Variants in TTC38 observed in about 807,000 individuals in gnomAD.
TTC38 encodes the protein tetratricopeptide repeat domain 38.
Under a neutral mutation model 64.2 loss-of-function variants are expected in TTC38, and 64 were observed. The ratio of observed to expected loss-of-function variants is 1.00; its 90% CI spans 0.81 to 1.23. The LOEUF (loss-of-function observed/expected upper bound fraction) is 1.23. TTC38 is among the 50% of genes most tolerant of loss of function. The pLI, the probability that TTC38 is intolerant of heterozygous loss-of-function variation, is 0.00. For missense variants in TTC38, 573 were observed against 615.5 expected (o/e 0.93, Z 0.73); for synonymous variants, 254 against 249.3 (o/e 1.02, Z -0.18).
At chr22:46,277,990 C>T (rs1569018916) in intron 5 of TTC38, among the ~76,000 whole-genome samples, 1 of 152,222 alleles carries the variant, frequency 6.6e-6, no homozygotes, top group African/African-American at 2.4e-5. Context: ...GGAGCAGGGC[C>T]GCTCTCCGTG....
chr22:46,288,195 T>C (rs368750523), intron 10 of TTC38, among the ~76,000 whole-genome samples: 29 of 152,300 alleles, frequency 1.9e-4, no homozygotes, highest in African/African-American at 7.0e-4. Flanking sequence ...TTGACACTTT[T>C]TAAAATGTGC....
rs568957316 is a variant in TTC38 at position 46,271,757 on chromosome 22, C to T, written c.112-578C>T. 6.6e-5 allele frequency among the ~76,000 whole-genome samples: 10 copies of T among 152,258 alleles called. No homozygotes were observed. The highest frequency in any genetic ancestry group is 2.0e-4 in the Admixed American group (3 of 15,292). Reference sequence around the variant, plus strand: ...AACTCCTGCCCTCAAGTGATCCACCCGCCTCAGTCTTCCAAAGTACTGGGA... The same window carrying T: ...AACTCCTGCCCTCAAGTGATCCACCTGCCTCAGTCTTCCAAAGTACTGGGA... On this transcript the variant is annotated intron_variant, in intron 2 of 13. Coordinates refer to ENST00000381031, the MANE Select transcript of TTC38 (RefSeq NM_017931.4). This position sits in a 1 kb window ranked among gnomAD's most constrained non-coding sequence, Gnocchi z 5.5.
At position 46,281,546 on chromosome 22, in the gene TTC38, G is replaced by A; in HGVS notation, c.616-53G>A. 3 of 1,601,628 alleles carry A rather than the reference G, an allele frequency of 1.9e-6. No homozygotes were observed. The highest frequency in any genetic ancestry group is 2.2e-5 in the South Asian group (2 of 90,616). Reference sequence around the variant, plus strand: ...TAGAGACCTGCCGTCGCCTGCCCCGGCAGCCTGACTGATCTGCTTTATCTG... The same window carrying A: ...TAGAGACCTGCCGTCGCCTGCCCCGACAGCCTGACTGATCTGCTTTATCTG... On this transcript the variant is annotated intron_variant, in intron 6 of 13. Coordinates refer to ENST00000381031, the MANE Select transcript of TTC38 (RefSeq NM_017931.4). This position sits in a 1 kb window ranked among gnomAD's most constrained non-coding sequence, Gnocchi z 5.2.
In TTC38 at chr22:46,293,894, G is replaced by A. The variant is rs1001205811; in HGVS notation, c.*1010G>A. ...TGAAATTAGGGATTCATCAGGGCAG[G>A]AAGCAGGCAGGCCTCTCAGAAGGGA... is the stretch of plus-strand genomic sequence containing the variant. On this transcript the variant is annotated 3_prime_UTR_variant, in exon 14 of 14. Coordinates refer to ENST00000381031, the MANE Select transcript of TTC38 (RefSeq NM_017931.4). The surrounding 1 kb of genome is among the most constrained non-coding windows in gnomAD (Gnocchi z 6.6). The A allele has an allele frequency of 6.6e-6, 1 of 152,278 alleles. No homozygotes were observed. The highest frequency in any genetic ancestry group is 2.4e-5 in the African/African-American group (1 of 41,464). The allele number at this position is 152,278 out of a possible 1,614,324, so 9.4% of individuals were successfully genotyped here.
chr22:46,288,332 C>T lies in TTC38; in HGVS notation c.917-91C>T, dbSNP rs2077586016. ...CTCACCTGGGACAGGGTCATCAAGG[C>T]CTCCAAGGGAAGCGCCGTGAGGGAG... On this transcript the variant is annotated intron_variant, in intron 10 of 13. Coordinates refer to ENST00000381031, the MANE Select transcript of TTC38 (RefSeq NM_017931.4). The T allele has an allele frequency of 4.4e-6, 6 of 1,365,916 alleles. 1 individual carries two copies. The South Asian group carries it at 5.4e-5, about 12-fold the overall frequency. 84.6% of individuals were successfully genotyped at this position (1,365,916 alleles called of 1,614,324 possible). A position where few individuals can be genotyped will look rare whatever the true frequency, so the allele number is the denominator to read the frequency against.
At position 46,270,095 on chromosome 22, in the gene TTC38, A is replaced by G. The variant is rs1346508836; in HGVS notation, c.111+1504A>G. Among the ~76,000 whole-genome samples the G allele has an allele frequency of 6.6e-6, 1 of 152,054 alleles. No individual in the cohort carries two copies. The highest frequency in any genetic ancestry group is 2.4e-5 in the African/African-American group (1 of 41,382). ...GCGTGAGCCACTGTGCCCGGCCCCT[A>G]GTACTCAGTTTGTTACACACCACAT... On this transcript the variant is annotated intron_variant, in intron 2 of 13. Coordinates refer to ENST00000381031, the MANE Select transcript of TTC38 (RefSeq NM_017931.4). The surrounding 1 kb of genome is among the most constrained non-coding windows in gnomAD (Gnocchi z 4.7).
Position 46,287,277 on chromosome 22 carries a change from C to T in TTC38, c.916+123C>T, listed in dbSNP as rs983938284. 23 of 765,144 alleles carry T rather than the reference C, an allele frequency of 3.0e-5. No individual in the cohort carries two copies. The African/African-American group carries it at 3.5e-4, about 12-fold the overall frequency. The allele number at this position is 765,144 out of a possible 1,614,324, so 47.4% of individuals were successfully genotyped here. ...GGGTGAGCCGCTCCAGACCCCTCTG[C>T]AGGCCTGGCCACTGCCTTGGGTACC... On this transcript the variant is annotated intron_variant, in intron 10 of 13. Coordinates refer to ENST00000381031, the MANE Select transcript of TTC38 (RefSeq NM_017931.4).
In TTC38 at chr22:46,278,568, C is replaced by G; in HGVS notation, c.540-18C>G. The G allele has an allele frequency of 6.2e-7, 1 of 1,608,126 alleles. No homozygotes were observed. The highest frequency in any genetic ancestry group is 8.5e-7 in the Non-Finnish European group (1 of 1,174,672). On this transcript the variant is annotated intron_variant, in intron 5 of 13. Coordinates refer to ENST00000381031, the MANE Select transcript of TTC38 (RefSeq NM_017931.4). ...CATCCATCATTTTGTATTCTGAGAT[C>G]TTTTTTTCTGTTTTTAGCTATGTGA...
Position 46,272,224 on chromosome 22 carries a change from C to T in TTC38, c.112-111C>T. 5.2e-6 allele frequency: 4 copies of T among 774,734 alleles called. No homozygotes were observed. Among genetic ancestry groups the T allele is most frequent in the South Asian group, 1.5e-5 (1 of 64,838 alleles). 48.0% of individuals were successfully genotyped at this position (774,734 alleles called of 1,614,324 possible). On this transcript the variant is annotated intron_variant, in intron 2 of 13. Coordinates refer to ENST00000381031, the MANE Select transcript of TTC38 (RefSeq NM_017931.4). This position sits in a 1 kb window ranked among gnomAD's most constrained non-coding sequence, Gnocchi z 6.4. The stretch of plus-strand genomic sequence containing the variant: ...CAGGCTGGTCTCGAACTCCTGACCT[C>T]AGATGTTCTGCCCGCCTCGGCCTCC...
Position 46,273,574 on chromosome 22 carries a change from G to A in TTC38, c.194-324G>A, listed in dbSNP as rs868698504. 2.0e-5 allele frequency among the ~76,000 whole-genome samples: 3 copies of A among 152,264 alleles called. No individual in the cohort carries two copies. Among genetic ancestry groups the A allele is most frequent in the African/African-American group, 7.2e-5 (3 of 41,478 alleles). On this transcript the variant is annotated intron_variant, in intron 3 of 13. Coordinates refer to ENST00000381031, the MANE Select transcript of TTC38 (RefSeq NM_017931.4). The surrounding 1 kb of genome is among the most constrained non-coding windows in gnomAD (Gnocchi z 5.1). ...CTCCCGGGAGCCGTGTGCTGGCTGT[G>A]GCGGTAGTGTCAGCTGATGAGCCTG...
chr22:46,278,906 C>T (rs1236605120), intron 6 of TTC38, among the ~76,000 whole-genome samples: 3 of 152,248 alleles, frequency 2.0e-5, no homozygotes, highest in Non-Finnish European at 4.4e-5. Context: ...TCCACGTCTA[C>T]AGATGAGGTT....
chr22:46,272,991 G>T lies in TTC38; in HGVS notation c.193+575G>T, dbSNP rs532971671. Among the ~76,000 whole-genome samples, 1 of 152,326 alleles carries T rather than the reference G, an allele frequency of 6.6e-6. No individual in the cohort carries two copies. The highest frequency in any genetic ancestry group is 1.9e-4 in the East Asian group (1 of 5,180). On this transcript the variant is annotated intron_variant, in intron 3 of 13. Coordinates refer to ENST00000381031, the MANE Select transcript of TTC38 (RefSeq NM_017931.4). This position sits in a 1 kb window ranked among gnomAD's most constrained non-coding sequence, Gnocchi z 6.4. ...GGCAAGGTTCCGGGCCTGGGAGAAG[G>T]TCTGATGAGGGGACAGGGCTCTTGT...
chr22:46,280,098 C>T (rs1371486936), intron 6 of TTC38: 3 of 470,842 alleles, frequency 6.4e-6, no homozygotes, highest in Non-Finnish European at 1.3e-5. Flanking sequence ...AACACCAGCA[C>T]CCCACAGACA....
At position 46,292,896 on chromosome 22, in the gene TTC38, C is replaced by T. The variant is rs370159601; in HGVS notation, c.*12C>T. On this transcript the variant is annotated 3_prime_UTR_variant, in exon 14 of 14. Coordinates refer to ENST00000381031, the MANE Select transcript of TTC38 (RefSeq NM_017931.4). The surrounding 1 kb of genome is among the most constrained non-coding windows in gnomAD (Gnocchi z 6.5). ...ACCTCATGCAGTGAGCCAGCCTGGC[C>T]GCCTCCACCCTGCAGAACCTCAGTG... 2.9e-5 allele frequency: 47 copies of T among 1,606,034 alleles called. No homozygotes were observed. Among genetic ancestry groups the T allele is most frequent in the Admixed American group, 2.0e-4 (12 of 59,946 alleles).
intron 6 of TTC38, among the ~76,000 whole-genome samples, chr22:46,280,924 G>A (rs1178160172): frequency 6.6e-6 from 1 of 152,246 alleles, no homozygotes; most frequent in African/African-American, 2.4e-5. Context: ...TAGATGCTTA[G>A]CAAACATGAG....
At chr22:46,269,923 G>C (rs1936857819) in intron 2 of TTC38, among the ~76,000 whole-genome samples, 1 of 152,184 alleles carries the variant, frequency 6.6e-6, no homozygotes, top group Non-Finnish European at 1.5e-5. Context: ...CTCCGAAGTA[G>C]CTGGGATTAT....
chr22:46,275,763 G>A lies in TTC38; in HGVS notation c.539+342G>A, dbSNP rs1936995042. Reference sequence around the variant, plus strand: ...CTGAGGGCTCTGCCACCATGTCCTTGTCTCCATCTGGGATCCCAGCTGATG... The same window carrying A: ...CTGAGGGCTCTGCCACCATGTCCTTATCTCCATCTGGGATCCCAGCTGATG... On this transcript the variant is annotated intron_variant, in intron 5 of 13. Coordinates refer to ENST00000381031, the MANE Select transcript of TTC38 (RefSeq NM_017931.4). This position sits in a 1 kb window ranked among gnomAD's most constrained non-coding sequence, Gnocchi z 4.5. Among the ~76,000 whole-genome samples the A allele has an allele frequency of 1.3e-5, 2 of 152,160 alleles. No homozygotes were observed. Among genetic ancestry groups the A allele is most frequent in the Admixed American group, 1.3e-4 (2 of 15,276 alleles).
At chr22:46,269,192 A>G in intron 2 of TTC38, 1 of 374,844 alleles carries the variant, frequency 2.7e-6, no homozygotes, top group South Asian at 1.9e-5. Context: ...ATGTTTTTTG[A>G]GGATGCTGGC....
intron 13 of TTC38, among the ~76,000 whole-genome samples, chr22:46,290,228 C>T (rs1296283883): frequency 6.6e-6 from 1 of 152,126 alleles, no homozygotes; most frequent in Non-Finnish European, 1.5e-5. Flanking sequence ...TTTTTTGCAC[C>T]TGGCCGACAC....
Sources: gnomAD v4.1 joint callset for allele counts (sites outside exome capture counted in the v4.1 genomes callset) on GRCh38, gnomAD v4.1.1 for gene constraint, Gnocchi (gnomAD v3.1) non-coding constraint, MANE v1.5 for transcripts, NCBI Gene and HGNC (gene_info 2026-07-23, HGNC 2026-07-21) for gene names.